Variants in CADPS2 observed in about 807,000 individuals in gnomAD.
CADPS2 encodes the protein calcium dependent secretion activator 2.
In CADPS2, 93 loss-of-function variants were observed where a neutral mutation model predicts 172.5. That is an observed-to-expected ratio of 0.54 (90% confidence interval 0.46 to 0.64). CADPS2 has a LOEUF of 0.64. Among genes scored for constraint, CADPS2 ranks in the 30% least tolerant of loss-of-function variants. The pLI is 0.00. For synonymous variants in CADPS2, 546 were observed against 555.2 expected (o/e 0.98, Z 0.23); for missense variants, 1,420 against 1,565.9 (o/e 0.91, Z 1.57).
intron 2 of CADPS2, among the ~76,000 whole-genome samples, chr7:122,722,504 C>A: frequency 6.6e-6 from 1 of 151,596 alleles, no homozygotes; most frequent in African/African-American, 2.4e-5. Flanking sequence ...AGGACCTCTT[C>A]AAGGAGAACT....
chr7:122,423,098 T>A (rs1382283573), intron 17 of CADPS2, among the ~76,000 whole-genome samples: 1 of 152,190 alleles, frequency 6.6e-6, no homozygotes, highest in African/African-American at 2.4e-5. Flanking sequence ...CCTCCCTCTT[T>A]GCATAGTACA....
intron 1 of CADPS2, among the ~76,000 whole-genome samples, chr7:122,860,886 C>G (rs1394118670): frequency 6.6e-6 from 1 of 152,104 alleles, no homozygotes; most frequent in Non-Finnish European, 1.5e-5. Flanking sequence ...CTAGGTTCAT[C>G]CATGTTGTCA....
intron 6 of CADPS2, among the ~76,000 whole-genome samples, chr7:122,595,138 G>C (rs949185364): frequency 6.7e-6 from 1 of 149,774 alleles, no homozygotes; most frequent in Non-Finnish European, 1.5e-5. Flanking sequence ...TGGGACTAAA[G>C]AGTTAGATGT....
intron 7 of CADPS2, among the ~76,000 whole-genome samples, chr7:122,562,442 A>G (rs1377278544): frequency 1.3e-5 from 2 of 152,172 alleles, no homozygotes; most frequent in African/African-American, 4.8e-5. Context: ...AGGCAAAACA[A>G]AACACACAAC....
At chr7:122,700,433 C>T (rs1280300017) in intron 2 of CADPS2, among the ~76,000 whole-genome samples, 1 of 152,044 alleles carries the variant, frequency 6.6e-6, no homozygotes, top group African/African-American at 2.4e-5. Context: ...TCCCAAAGGC[C>T]ATTAATCCGA....
chr7:122,750,827 G>C (rs918638357), intron 1 of CADPS2, among the ~76,000 whole-genome samples: 1 of 152,086 alleles, frequency 6.6e-6, no homozygotes, highest in African/African-American at 2.4e-5. Context: ...AAGCTGTATA[G>C]TTTTAAAGTT....
chr7:122,511,765 C>A (rs943630785), intron 9 of CADPS2, among the ~76,000 whole-genome samples: 1 of 152,090 alleles, frequency 6.6e-6, no homozygotes, highest in African/African-American at 2.4e-5. Context: ...TTGATAAAGA[C>A]AAGTCACTAA....
intron 1 of CADPS2, among the ~76,000 whole-genome samples, chr7:122,827,723 C>T (rs1411203918): frequency 1.3e-5 from 2 of 151,528 alleles, no homozygotes; most frequent in African/African-American, 4.9e-5. Flanking sequence ...TACTTCCTAA[C>T]TCATTTTATG....
intron 3 of CADPS2, among the ~76,000 whole-genome samples, chr7:122,638,793 C>A (rs979474259): frequency 3.3e-5 from 5 of 152,222 alleles, no homozygotes; most frequent in African/African-American, 1.2e-4. Context: ...TGGTCCCAGG[C>A]AGGCAGCTGC....
At chr7:122,633,511 G>A (rs1296829558) in intron 3 of CADPS2, among the ~76,000 whole-genome samples, 2 of 152,066 alleles carry the variant, frequency 1.3e-5, no homozygotes, top group Non-Finnish European at 2.9e-5. Flanking sequence ...TTTTACTGAT[G>A]TATAGAAGTT....
At chr7:122,357,060 T>C (rs143241999) in intron 27 of CADPS2, among the ~76,000 whole-genome samples, 4 of 152,278 alleles carry the variant, frequency 2.6e-5, no homozygotes, top group Non-Finnish European at 4.4e-5. Context: ...TATACATATA[T>C]CTAAAAATAC....
At chr7:122,834,871 T>C (rs898686155) in intron 1 of CADPS2, among the ~76,000 whole-genome samples, 20 of 152,194 alleles carry the variant, frequency 1.3e-4, no homozygotes, top group African/African-American at 4.3e-4. Flanking sequence ...AGGGCATAGC[T>C]GAACAAAGGC....
intron 3 of CADPS2, among the ~76,000 whole-genome samples, chr7:122,659,593 A>T (rs1467152992): frequency 6.6e-6 from 1 of 152,132 alleles, no homozygotes; most frequent in East Asian, 1.9e-4. Flanking sequence ...AAGTAATAAC[A>T]GCAGTGAACT....
Position 122,501,353 on chromosome 7 carries a change from T to C in CADPS2, c.1543-9933A>G, listed in dbSNP as rs567122603. 1.7e-3 allele frequency among the ~76,000 whole-genome samples: 259 copies of C among 152,138 alleles called. 1 individual carries two copies. The highest frequency in any genetic ancestry group is 2.9e-3 in the Non-Finnish European group (199 of 68,014). On this transcript the variant is annotated intron_variant, in intron 9 of 29. Transcript: ENST00000449022. The stretch of plus-strand genomic sequence containing the variant: ...TATTACATTTGGAAATTTAAAACTA[T>C]GATTTTTAGAGGATTCAAAACTCAC...
At chr7:122,669,719 C>A (rs1035528197) in intron 2 of CADPS2, among the ~76,000 whole-genome samples, 8 of 152,038 alleles carry the variant, frequency 5.3e-5, no homozygotes, top group Admixed American at 5.2e-4. Context: ...TTCCACATCA[C>A]ACATACTCTG....
intron 1 of CADPS2, among the ~76,000 whole-genome samples, chr7:122,856,347 AG>A (rs1815219053): frequency 6.6e-6 from 1 of 152,194 alleles, no homozygotes; most frequent in Non-Finnish European, 1.5e-5. Flanking sequence ...GCAAAATCCA[AG>A]GAATCATCTC....
At chr7:122,588,849 C>T (rs1379879846) in intron 6 of CADPS2, among the ~76,000 whole-genome samples, 1 of 151,914 alleles carries the variant, frequency 6.6e-6, no homozygotes, top group Non-Finnish European at 1.5e-5. Flanking sequence ...CTCCCCCAAA[C>T]TCATTATGAT....
intron 9 of CADPS2, among the ~76,000 whole-genome samples, chr7:122,512,299 A>G (rs1226474890): frequency 6.6e-6 from 1 of 152,104 alleles, no homozygotes; most frequent in Admixed American, 6.6e-5. Context: ...ATTCTGATCT[A>G]GTCCAGTTAA....
At chr7:122,765,749 A>G (rs1397526604) in intron 1 of CADPS2, among the ~76,000 whole-genome samples, 1 of 152,136 alleles carries the variant, frequency 6.6e-6, no homozygotes, top group Non-Finnish European at 1.5e-5. Context: ...AACTCATTTA[A>G]TCATCAAAGC....
Sources: allele counts gnomAD v4.1 joint callset (sites outside exome capture counted in the v4.1 genomes callset), GRCh38; gene constraint gnomAD v4.1.1; transcripts MANE v1.5; gene names NCBI Gene and HGNC (gene_info 2026-07-23, HGNC 2026-07-21).